Variants in PKIG observed in about 807,000 individuals in gnomAD.
PKIG encodes the protein protein kinase (cAMP-dependent, catalytic) inhibitor gamma.
PKIG carries 1 observed loss-of-function variant against 6.8 expected under a neutral mutation model. The observed-to-expected ratio is 0.15, with a 90% confidence interval of 0.05 to 0.69. PKIG has a LOEUF of 0.69. Among genes scored for constraint, PKIG ranks in the 30% least tolerant of loss-of-function variants. PKIG has a pLI of 0.82. For synonymous variants in PKIG, 39 were observed against 43.0 expected, an observed-to-expected ratio of 0.91 and a Z score of 0.36; for missense variants, 77 against 104.0, an observed-to-expected ratio of 0.74 and a Z score of 1.13.
intron 1 of PKIG, among the ~76,000 whole-genome samples, chr20:44,558,779 TC>T (rs969713944): frequency 8.6e-5 from 13 of 151,494 alleles, no homozygotes; most frequent in African/African-American, 2.9e-4. Context: ...TCTTACAGGG[TC>T]TTGCTCTGTT....
intron 2 of PKIG, among the ~76,000 whole-genome samples, chr20:44,593,033 AC>A (rs1168719539): frequency 1.3e-5 from 2 of 152,148 alleles, no homozygotes; most frequent in Non-Finnish European, 2.9e-5. Context: ...GAGGCATCAC[AC>A]AACCTGATTT....
chr20:44,584,584 T>C (rs1465880852), intron 1 of PKIG, among the ~76,000 whole-genome samples: 1 of 151,828 alleles, frequency 6.6e-6, no homozygotes, highest in Non-Finnish European at 1.5e-5. Context: ...CTTTGTTTTG[T>C]TTTGTTTTTG....
chr20:44,618,311 G>T lies in PKIG; in HGVS notation c.178G>T (p.Asp60Tyr). ...AGGACAGGTGGAGGGAAGCGCCCCA[G>T]ACAAGGAAGCTGGCAACCAGCCCCA... is the stretch of plus-strand genomic sequence containing the variant. ...AEGQVEGSAPDKEAGNQPQSS... is the reference protein window; with the variant it reads ...AEGQVEGSAPYKEAGNQPQSS... Residue 60 changes from aspartate (D) to tyrosine (Y), a missense_variant, in exon 4 of 4, where the codon GAC (aspartate) becomes TAC (tyrosine). Physicochemically the swap from Asp to Tyr is radical, Grantham distance 160. Transcript: ENST00000372886. 1.2e-6 allele frequency: 2 copies of T among 1,613,564 alleles called. No individual in the cohort carries two copies. Among genetic ancestry groups the T allele is most frequent in the South Asian group, 1.1e-5 (1 of 91,060 alleles).
At chr20:44,598,038 G>C (rs1466293474) in intron 2 of PKIG, among the ~76,000 whole-genome samples, 1 of 152,224 alleles carries the variant, frequency 6.6e-6, no homozygotes, top group Non-Finnish European at 1.5e-5. Context: ...GTTCTGGCTT[G>C]GATCTTTTAT....
intron 1 of PKIG, among the ~76,000 whole-genome samples, chr20:44,545,274 TG>T (rs2123166619): frequency 6.6e-6 from 1 of 152,264 alleles, no homozygotes; most frequent in South Asian, 2.1e-4. Context: ...CATAATGTGT[TG>T]CTAACAGTGA....
Position 44,574,067 on chromosome 20 carries a change from T to C in PKIG, c.-240-8518T>C, listed in dbSNP as rs2064875767. On this transcript the variant is annotated intron_variant, in intron 1 of 4. Transcript: ENST00000372887. ...ATTTTATTTTTCTGCTTTTACTTCT[T>C]TTGGTGGTTACTTCTATTTCTCTAA... is the stretch of plus-strand genomic sequence containing the variant. Among the ~76,000 whole-genome samples, 8 of 152,244 alleles carry C rather than the reference T, an allele frequency of 5.3e-5. No individual in the cohort carries two copies. In the South Asian group the frequency reaches 1.7e-3, roughly 32 times the overall value.
chr20:44,567,152 T>C (rs772568056), intron 1 of PKIG, among the ~76,000 whole-genome samples: 3 of 152,240 alleles, frequency 2.0e-5, no homozygotes, highest in Non-Finnish European at 4.4e-5. Flanking sequence ...CAGATCCTAG[T>C]GCTACCTAGA....
chr20:44,616,242 G>A (rs1314600184), intron 3 of PKIG, among the ~76,000 whole-genome samples: 1 of 152,124 alleles, frequency 6.6e-6, no homozygotes, highest in Non-Finnish European at 1.5e-5. Flanking sequence ...AGACCGGGGA[G>A]GCACCTCTTC....
chr20:44,601,116 G>A (rs768035735), intron 2 of PKIG, among the ~76,000 whole-genome samples: 3 of 152,140 alleles, frequency 2.0e-5, no homozygotes, highest in Non-Finnish European at 2.9e-5. Flanking sequence ...AGAATGGTCC[G>A]GGAAGAAATG....
intron 1 of PKIG, among the ~76,000 whole-genome samples, chr20:44,568,015 G>A (rs968397376): frequency 1.3e-5 from 2 of 152,100 alleles, no homozygotes; most frequent in African/African-American, 2.4e-5. Context: ...GCATGGTGGC[G>A]CATGCCTGTA....
intron 2 of PKIG, among the ~76,000 whole-genome samples, chr20:44,608,799 CAA>C (rs767428815): frequency 1.3e-4 from 2 of 15,402 alleles, no homozygotes; most frequent in African/African-American, 2.2e-4. Context: ...GACCCTGTCT[CAA>C]AAAAAAAAAA....
chr20:44,557,798 T>C (rs1292995258), intron 1 of PKIG, among the ~76,000 whole-genome samples: 1 of 151,886 alleles, frequency 6.6e-6, no homozygotes, highest in African/African-American at 2.4e-5. Context: ...CACTCCAGCC[T>C]GGGTGGCAGA....
chr20:44,570,196 C>A (rs1419578455), intron 1 of PKIG, among the ~76,000 whole-genome samples: 1 of 152,164 alleles, frequency 6.6e-6, no homozygotes, highest in Non-Finnish European at 1.5e-5. Flanking sequence ...TATGCATAGT[C>A]TCATTAAATC....
chr20:44,584,932 A>G (rs1194109845), intron 1 of PKIG, among the ~76,000 whole-genome samples: 1 of 152,016 alleles, frequency 6.6e-6, no homozygotes, highest in African/African-American at 2.4e-5. Context: ...TGGCACTTCT[A>G]AAGCTGCAGT....
chr20:44,556,951 A>G (rs555647390), intron 1 of PKIG, among the ~76,000 whole-genome samples: 1 of 152,220 alleles, frequency 6.6e-6, no homozygotes, highest in South Asian at 2.1e-4. Context: ...TCATTATTCA[A>G]GCCTTCCAGG....
intron 1 of PKIG, among the ~76,000 whole-genome samples, chr20:44,570,807 A>AGATGGGTGGTTATTTTAG (rs1251923958): frequency 1.3e-5 from 2 of 152,228 alleles, no homozygotes; most frequent in Non-Finnish European, 1.5e-5. Context: ...CATGATAGGT[A>AGATGGGTGGTTATTTTAG]GATGGGTGGT....
intron 1 of PKIG, among the ~76,000 whole-genome samples, chr20:44,556,286 C>T (rs1366975490): frequency 1.3e-5 from 2 of 152,224 alleles, no homozygotes; most frequent in Admixed American, 1.3e-4. Flanking sequence ...ATCACATTAT[C>T]CCACATATGT....
intron 1 of PKIG, among the ~76,000 whole-genome samples, chr20:44,584,786 C>T (rs559331016): frequency 6.6e-6 from 1 of 150,660 alleles, no homozygotes; most frequent in South Asian, 2.1e-4. Flanking sequence ...ATGGTGCAGT[C>T]TTGGCTCACT....
rs2064746075 is a variant in PKIG, at chr20:44,559,290, T to TA, written c.-240-23289dup. 7.2e-5 allele frequency among the ~76,000 whole-genome samples: 11 copies of TA among 152,338 alleles called. No individual in the cohort carries two copies. The South Asian group carries it at 2.3e-3, about 32-fold the overall frequency. On this transcript the variant is annotated intron_variant, in intron 1 of 4. Coordinates refer to the PKIG transcript ENST00000372887. ...ATAAATATAAAATCTATTGGTTGCTTAAAAAATCTATAAATGAGATCATAT... is the reference window on the plus strand; with the variant it reads ...ATAAATATAAAATCTATTGGTTGCTTAAAAAAATCTATAAATGAGATCATAT...
Sources: allele counts gnomAD v4.1 joint callset (sites outside exome capture counted in the v4.1 genomes callset), GRCh38; gene constraint gnomAD v4.1.1; transcripts MANE v1.5; gene names NCBI Gene and HGNC (gene_info 2026-07-23, HGNC 2026-07-21).